NALF1: variants seen among roughly 807,000 people sequenced by gnomAD.
NALF1 encodes the protein family with sequence similarity 155 member A.
Under a neutral mutation model 48.4 loss-of-function variants are expected in NALF1, and 3 were observed. The ratio of observed to expected loss-of-function variants is 0.06; its 90% confidence interval spans 0.03 to 0.16. The LOEUF is 0.16. Ranked by LOEUF, NALF1 falls within the 10% of genes least tolerant of loss-of-function variation. The pLI, the probability that NALF1 is intolerant of heterozygous loss-of-function variation, is 1.00. For missense variants in NALF1, 526 were observed against 571.5 expected (o/e 0.92, Z 0.81); for synonymous variants, 262 against 245.7 (o/e 1.07, Z -0.62).
intron 1 of NALF1, among the ~76,000 whole-genome samples, chr13:107,720,958 C>A (rs1875965032): frequency 6.6e-6 from 1 of 152,124 alleles, no homozygotes; most frequent in Non-Finnish European, 1.5e-5. Context: ...CTAACAAAAA[C>A]ATTATTGCTA....
At chr13:107,791,354 TCTAG>T (rs1051900490) in intron 1 of NALF1, among the ~76,000 whole-genome samples, 1 of 152,154 alleles carries the variant, frequency 6.6e-6, no homozygotes, top group African/African-American at 2.4e-5. Context: ...GTCTATCATA[TCTAG>T]CTAGCTAGCT....
intron 1 of NALF1, among the ~76,000 whole-genome samples, chr13:107,534,145 G>T (rs1208298569): frequency 2.0e-5 from 3 of 152,008 alleles, no homozygotes; most frequent in Non-Finnish European, 4.4e-5. Flanking sequence ...GTAGGTTCTG[G>T]GCCCTCCCCA....
chr13:107,579,031 A>G (rs1878228405), intron 1 of NALF1, among the ~76,000 whole-genome samples: 1 of 152,184 alleles, frequency 6.6e-6, no homozygotes, highest in African/African-American at 2.4e-5. Context: ...TGCCTGAATT[A>G]CTACAAACCC....
At chr13:107,579,848 G>A (rs1292920355) in intron 1 of NALF1, among the ~76,000 whole-genome samples, 1 of 151,862 alleles carries the variant, frequency 6.6e-6, no homozygotes, top group East Asian at 1.9e-4. Flanking sequence ...AACTGTTGGT[G>A]GGACTGTAAA....
chr13:107,345,718 T>A (rs1390863874), intron 1 of NALF1, among the ~76,000 whole-genome samples: 1 of 152,142 alleles, frequency 6.6e-6, no homozygotes, highest in Non-Finnish European at 1.5e-5. Context: ...CCTCATGATA[T>A]TAGAATGGAC....
chr13:107,172,307 T>TTTC (rs1332687523), intron 2 of NALF1, among the ~76,000 whole-genome samples: 1 of 152,248 alleles, frequency 6.6e-6, no homozygotes, highest in Non-Finnish European at 1.5e-5. Flanking sequence ...TAATTTCAAT[T>TTTC]TTCTTACTTA....
intron 1 of NALF1, among the ~76,000 whole-genome samples, chr13:107,520,860 T>A (rs555300580): frequency 1.1e-4 from 16 of 152,236 alleles, no homozygotes; most frequent in Non-Finnish European, 2.4e-4. Context: ...GACCCCTGCC[T>A]GTGAGAGCTG....
chr13:107,357,227 G>A (rs1160381646), intron 1 of NALF1, among the ~76,000 whole-genome samples: 3 of 152,162 alleles, frequency 2.0e-5, no homozygotes, highest in African/African-American at 7.2e-5. Context: ...ATGGCAGAAG[G>A]CAAACGGGAA....
At chr13:107,612,401 G>C (rs1199894661) in intron 1 of NALF1, among the ~76,000 whole-genome samples, 4 of 151,996 alleles carry the variant, frequency 2.6e-5, no homozygotes, top group African/African-American at 9.7e-5. Context: ...ATGTGATTGG[G>C]GGTGTGATTC....
chr13:107,818,273 T>A (rs888916139), intron 1 of NALF1, among the ~76,000 whole-genome samples: 2 of 152,170 alleles, frequency 1.3e-5, no homozygotes, highest in Non-Finnish European at 2.9e-5. Flanking sequence ...CTGCTCTTCC[T>A]TTTTAAGGGA....
chr13:107,861,212 G>A (rs368837641), intron 1 of NALF1, among the ~76,000 whole-genome samples: 4 of 152,058 alleles, frequency 2.6e-5, no homozygotes, highest in East Asian at 3.9e-4. Flanking sequence ...CTTTACTAAT[G>A]GTTAAAGAAA....
intron 1 of NALF1, among the ~76,000 whole-genome samples, chr13:107,447,434 A>G (rs923023463): frequency 6.6e-6 from 1 of 152,068 alleles, no homozygotes. Context: ...TCACCATAAG[A>G]TGCTCATTTC....
intron 1 of NALF1, among the ~76,000 whole-genome samples, chr13:107,369,881 T>C (rs1341184951): frequency 6.6e-6 from 1 of 152,168 alleles, no homozygotes; most frequent in Non-Finnish European, 1.5e-5. Flanking sequence ...ATGATAGTAA[T>C]TGGGGCTTTG....
chr13:107,271,988 G>A (rs1202464972), intron 1 of NALF1, among the ~76,000 whole-genome samples: 1 of 151,350 alleles, frequency 6.6e-6, no homozygotes, highest in Non-Finnish European at 1.5e-5. Flanking sequence ...ATTCAGGCGG[G>A]TCTCCAACTT....
intron 1 of NALF1, among the ~76,000 whole-genome samples, chr13:107,474,242 T>A (rs1334294519): frequency 6.6e-6 from 1 of 152,206 alleles, no homozygotes; most frequent in East Asian, 1.9e-4. Flanking sequence ...ATTTCCCTTT[T>A]CAAGGGTATA....
intron 1 of NALF1, among the ~76,000 whole-genome samples, chr13:107,596,664 C>T (rs1421228291): frequency 6.6e-6 from 1 of 151,820 alleles, no homozygotes; most frequent in East Asian, 1.9e-4. Flanking sequence ...CACACCGGGG[C>T]CCTGTTGAGG....
chr13:107,194,900 G>C (rs1879359205), intron 2 of NALF1, among the ~76,000 whole-genome samples: 1 of 152,020 alleles, frequency 6.6e-6, no homozygotes, highest in Non-Finnish European at 1.5e-5. Flanking sequence ...TCACAAAGTG[G>C]GCTAAGGACA....
chr13:107,243,965 T>C (rs16969911), intron 1 of NALF1, among the ~76,000 whole-genome samples: 21,344 of 152,142 alleles, frequency 0.14, 1,979 homozygotes, highest in East Asian at 0.41. Flanking sequence ...TACCAAAAGC[T>C]TCTGAAGTCA....
At chr13:107,696,718 G>C (rs745354456) in intron 1 of NALF1, among the ~76,000 whole-genome samples, 1 of 152,104 alleles carries the variant, frequency 6.6e-6, no homozygotes, top group African/African-American at 2.4e-5. Context: ...TACACAAAAC[G>C]CTTAATAAAT....
Sources: allele counts gnomAD v4.1 joint callset (sites outside exome capture counted in the v4.1 genomes callset), GRCh38; gene constraint gnomAD v4.1.1; transcripts MANE v1.5; gene names NCBI Gene and HGNC (gene_info 2026-07-23, HGNC 2026-07-21).